The following ESRRG variants were observed in gnomAD, a reference collection of about 807,000 sequenced individuals.
ESRRG encodes estrogen-related receptor gamma.
In ESRRG, 13 loss-of-function variants were observed where a neutral mutation model predicts 44.0. The observed-to-expected ratio is 0.30, with a 90% confidence interval of 0.19 to 0.47. The LOEUF is 0.47. Among genes scored for constraint, ESRRG ranks in the 20% least tolerant of loss-of-function variants. The pLI is 1.00. For missense variants in ESRRG, 395 were observed against 580.6 expected, an observed-to-expected ratio of 0.68 and a Z score of 3.29; for synonymous variants, 215 against 214.6, an observed-to-expected ratio of 1.00 and a Z score of -0.02.
intron 3 of ESRRG, among the ~76,000 whole-genome samples, chr1:216,585,844 T>C (rs1297173934): frequency 6.6e-6 from 1 of 152,010 alleles, no homozygotes; most frequent in Non-Finnish European, 1.5e-5. Flanking sequence ...ATGGAGACCA[T>C]CCTGGCTAAC....
At chr1:216,978,772 T>C (rs1047615983) in intron 1 of ESRRG, among the ~76,000 whole-genome samples, 3 of 152,186 alleles carry the variant, frequency 2.0e-5, no homozygotes, top group Non-Finnish European at 2.9e-5. Flanking sequence ...TTTTTCCACA[T>C]GTCCACTAAT....
chr1:216,522,145 G>A (rs1241004241), intron 5 of ESRRG, among the ~76,000 whole-genome samples: 1 of 151,074 alleles, frequency 6.6e-6, no homozygotes, highest in Non-Finnish European at 1.5e-5. Flanking sequence ...GGTTGTGTGT[G>A]TGTATATGTG....
chr1:216,707,442 T>C (rs1236403723), intron 1 of ESRRG: 3 of 1,535,664 alleles, frequency 2.0e-6, no homozygotes, highest in Admixed American at 2.0e-5. Context: ...AGGATCTAAA[T>C]GCACAATTCC....
chr1:216,538,242 T>C (rs1037734247), intron 5 of ESRRG, among the ~76,000 whole-genome samples: 1 of 118,446 alleles, frequency 8.4e-6, no homozygotes, highest in Non-Finnish European at 1.7e-5. Context: ...ACTTGGTTTT[T>C]AAAAAATTAA....
chr1:216,914,135 C>T (rs1325428622), intron 2 of ESRRG, among the ~76,000 whole-genome samples: 1 of 151,930 alleles, frequency 6.6e-6, no homozygotes, highest in African/African-American at 2.4e-5. Flanking sequence ...CACTGTCTTC[C>T]TGTACTGCTA....
intron 3 of ESRRG, among the ~76,000 whole-genome samples, chr1:216,584,070 T>G (rs1257033235): frequency 1.3e-5 from 2 of 152,156 alleles, no homozygotes; most frequent in Non-Finnish European, 2.9e-5. Flanking sequence ...AGAGTTAATA[T>G]ATGCTTTGAC....
At chr1:216,884,223 A>G (rs1411883084) in intron 2 of ESRRG, among the ~76,000 whole-genome samples, 1 of 152,222 alleles carries the variant, frequency 6.6e-6, no homozygotes, top group Non-Finnish European at 1.5e-5. Flanking sequence ...TGCTTTATGA[A>G]TATATAGTAA....
intron 2 of ESRRG, among the ~76,000 whole-genome samples, chr1:216,905,594 G>T (rs2059598610): frequency 6.6e-6 from 1 of 152,160 alleles, no homozygotes; most frequent in Non-Finnish European, 1.5e-5. Flanking sequence ...ACTAGACATT[G>T]AGGTCTGTGA....
chr1:216,849,761 C>T (rs903925688), intron 2 of ESRRG, among the ~76,000 whole-genome samples: 7 of 152,104 alleles, frequency 4.6e-5, no homozygotes, highest in Non-Finnish European at 7.4e-5. Flanking sequence ...ATTTCAGTAT[C>T]TTCCCAATAG....
intron 2 of ESRRG, among the ~76,000 whole-genome samples, chr1:216,851,451 C>A (rs930489289): frequency 1.3e-5 from 2 of 151,704 alleles, no homozygotes; most frequent in African/African-American, 4.8e-5. Context: ...GCAGGTGAGG[C>A]CTTTGGGTGG....
chr1:216,560,827 C>T (rs1010964570), intron 5 of ESRRG, among the ~76,000 whole-genome samples: 3 of 152,148 alleles, frequency 2.0e-5, no homozygotes, highest in Admixed American at 2.0e-4. Flanking sequence ...ATGCGCTTAT[C>T]CGAGCGCGGA....
Position 216,580,155 on chromosome 1 carries a change from T to C in ESRRG, c.590-12057A>G, listed in dbSNP as rs559702710. Reference sequence around the variant, plus strand: ...TATCACATGCCTGCTACACAGTAGGTACTCAAAAATACTGAGTAAGTGAAT... The same window carrying C: ...TATCACATGCCTGCTACACAGTAGGCACTCAAAAATACTGAGTAAGTGAAT... On this transcript the variant is annotated intron_variant, in intron 3 of 6. Transcript: ENST00000408911. 9.2e-5 allele frequency among the ~76,000 whole-genome samples: 14 copies of C among 152,334 alleles called. No homozygotes were observed. The South Asian group carries it at 1.9e-3, about 20-fold the overall frequency.
At position 217,039,585 on chromosome 1, in the gene ESRRG, C is replaced by T. The variant is rs147105358; in HGVS notation, c.-106+49922G>A. Among the ~76,000 whole-genome samples the T allele has an allele frequency of 3.8e-3, 576 of 152,236 alleles. 16 individuals are homozygous for T. The East Asian group carries it at 0.079, about 21-fold the overall frequency. On this transcript the variant is annotated intron_variant, in intron 1 of 7. Coordinates refer to the ESRRG transcript ENST00000359162. The stretch of plus-strand genomic sequence containing the variant: ...AGAACAGCAAGGGAAAGACCTGCCC[C>T]CATGATTCAGTCATCTCCCACTAGC...
chr1:216,976,871 T>TAA (rs2073035860), intron 1 of ESRRG, among the ~76,000 whole-genome samples: 1 of 152,148 alleles, frequency 6.6e-6, no homozygotes, highest in Non-Finnish European at 1.5e-5. Context: ...ATATCCAGCC[T>TAA]AAGTCAAGTT....
chr1:216,779,157 T>A (rs1282548034), intron 2 of ESRRG, among the ~76,000 whole-genome samples: 21 of 90,372 alleles, frequency 2.3e-4, no homozygotes, highest in Admixed American at 6.1e-4. Flanking sequence ...TATATATATA[T>A]AAAATAAATA....
At chr1:216,507,516 C>A (rs1250601869) in intron 6 of ESRRG, among the ~76,000 whole-genome samples, 1 of 152,144 alleles carries the variant, frequency 6.6e-6, no homozygotes, top group African/African-American at 2.4e-5. Context: ...GGTATATATT[C>A]ATTCACTCAA....
At chr1:216,679,955 C>T (rs2076761536) in intron 1 of ESRRG, among the ~76,000 whole-genome samples, 1 of 152,044 alleles carries the variant, frequency 6.6e-6, no homozygotes, top group African/African-American at 2.4e-5. Flanking sequence ...AATCTCAGTC[C>T]ATAACTTGGC....
intron 1 of ESRRG, among the ~76,000 whole-genome samples, chr1:217,114,479 G>A (rs2102472816): frequency 1.3e-5 from 2 of 152,126 alleles, no homozygotes; most frequent in Middle Eastern, 6.8e-3. Flanking sequence ...CAGAATGGGA[G>A]CATTTAGGCT....
At chr1:217,108,327 T>C (rs571386422) in intron 1 of ESRRG, among the ~76,000 whole-genome samples, 1 of 152,342 alleles carries the variant, frequency 6.6e-6, no homozygotes, top group Non-Finnish European at 1.5e-5. Context: ...ATTCCCATCA[T>C]TCTTTGCAGC....
Sources: allele counts gnomAD v4.1 joint callset (sites outside exome capture counted in the v4.1 genomes callset), GRCh38; gene constraint gnomAD v4.1.1; transcripts MANE v1.5; gene names NCBI Gene and HGNC (gene_info 2026-07-23, HGNC 2026-07-21).